The following GLIS3 variants were observed in gnomAD, a reference collection of about 807,000 sequenced individuals.
GLIS3 encodes GLIS family zinc finger 3, also known as zinc finger protein GLIS3.
In GLIS3, 53 loss-of-function variants were observed where a neutral mutation model predicts 78.6. The ratio of observed to expected loss-of-function variants is 0.67; its 90% CI spans 0.54 to 0.85. GLIS3 has a LOEUF of 0.85. GLIS3 is among the 40% of genes least tolerant of loss of function. GLIS3 has a pLI of 0.00. For synonymous variants in GLIS3, 684 were observed against 509.9 expected, an observed-to-expected ratio of 1.34 and a Z score of -4.60; for missense variants, 1,703 against 1,231.1, an observed-to-expected ratio of 1.38 and a Z score of -5.74.
At chr9:4,462,743 G>A in the GLIS3 span, among the ~76,000 whole-genome samples, 1 of 152,130 alleles carries the variant, frequency 6.6e-6, no homozygotes, top group Admixed American at 6.6e-5. Context: ...CCAGAAGTTT[G>A]AGGCTGCAGT....
At chr9:4,134,612 A>G (rs1381813855) in intron 2 of GLIS3, among the ~76,000 whole-genome samples, 1 of 152,286 alleles carries the variant, frequency 6.6e-6, no homozygotes, top group East Asian at 1.9e-4. Context: ...AGTAGTTGTA[A>G]TTTTTGTTAA....
intron 4 of GLIS3, among the ~76,000 whole-genome samples, chr9:4,087,459 A>G (rs1193919120): frequency 6.6e-6 from 1 of 152,196 alleles, no homozygotes; most frequent in Admixed American, 6.5e-5. Context: ...ACAGGAAAAC[A>G]ATCGGCAATT....
chr9:4,269,615 T>C (rs953215983), intron 2 of GLIS3, among the ~76,000 whole-genome samples: 2 of 152,230 alleles, frequency 1.3e-5, no homozygotes, highest in South Asian at 2.1e-4. Flanking sequence ...TGTTCCAGTG[T>C]AGTTGGGCTG....
chr9:3,948,477 T>G (rs1816446643), intron 4 of GLIS3, among the ~76,000 whole-genome samples: 1 of 152,302 alleles, frequency 6.6e-6, no homozygotes. Flanking sequence ...GCCTGCAGTG[T>G]ACTTTGATCC....
intron 2 of GLIS3, among the ~76,000 whole-genome samples, chr9:4,160,629 G>C (rs958343671): frequency 6.6e-6 from 1 of 152,180 alleles, no homozygotes; most frequent in African/African-American, 2.4e-5. Flanking sequence ...GTCTTATCAT[G>C]TGATTTTCTT....
chr9:4,040,442 G>A (rs774811620), intron 4 of GLIS3, among the ~76,000 whole-genome samples: 6 of 152,102 alleles, frequency 3.9e-5, no homozygotes, highest in African/African-American at 7.2e-5. Flanking sequence ...CTATTACAGC[G>A]TGCTACATTT....
chr9:4,019,710 C>T (rs757005053), intron 4 of GLIS3, among the ~76,000 whole-genome samples: 16 of 151,970 alleles, frequency 1.1e-4, no homozygotes, highest in Non-Finnish European at 2.1e-4. Flanking sequence ...TGGGAAGATG[C>T]CAGCTGCAAT....
chr9:4,194,044 T>TTTTATTTA (rs560947840), intron 2 of GLIS3, among the ~76,000 whole-genome samples: 2 of 152,156 alleles, frequency 1.3e-5, no homozygotes, highest in African/African-American at 4.8e-5. Flanking sequence ...GCCGCTTTAT[T>TTTTATTTA]TTTATTTATT....
At chr9:4,380,510 A>G in the GLIS3 span, among the ~76,000 whole-genome samples, 4 of 152,242 alleles carry the variant, frequency 2.6e-5, no homozygotes, top group African/African-American at 4.8e-5. Context: ...AAAGATTTCT[A>G]TCAGTACATC....
rs1237753365 is a variant in GLIS3, at chr9:4,189,840, A to C, written c.389-63899T>G. On this transcript the variant is annotated intron_variant, in intron 2 of 10. Coordinates refer to ENST00000381971, the MANE Select transcript of GLIS3 (RefSeq NM_001042413.2). ...ACCCCTGCCTTTTTTTTTGTTTTCC[A>C]TTTGCTTGGTAGATCTTCCTTCATC... 2.0e-5 allele frequency among the ~76,000 whole-genome samples: 3 copies of C among 150,664 alleles called. No homozygotes were observed. In the East Asian group the frequency reaches 5.8e-4, roughly 29 times the overall value.
chr9:4,243,762 A>C (rs961056760), intron 2 of GLIS3, among the ~76,000 whole-genome samples: 2 of 152,188 alleles, frequency 1.3e-5, no homozygotes, highest in African/African-American at 4.8e-5. Flanking sequence ...GATTAGGTGT[A>C]ATCCACGTTG....
chr9:4,455,170 G>A, the GLIS3 span, among the ~76,000 whole-genome samples: 1 of 152,140 alleles, frequency 6.6e-6, no homozygotes, highest in Non-Finnish European at 1.5e-5. Context: ...GTGGCATATT[G>A]TAAAGTTACT....
intron 4 of GLIS3, among the ~76,000 whole-genome samples, chr9:3,955,000 A>G (rs1356095505): frequency 2.0e-5 from 3 of 152,236 alleles, no homozygotes; most frequent in African/African-American, 7.2e-5. Context: ...AAAGCTCAAA[A>G]GGCCCCACCT....
At chr9:4,173,182 A>G (rs1816519475) in intron 2 of GLIS3, among the ~76,000 whole-genome samples, 1 of 152,132 alleles carries the variant, frequency 6.6e-6, no homozygotes, top group African/African-American at 2.4e-5. Context: ...TGTCATACTA[A>G]TATCACCAAA....
intron 3 of GLIS3, chr9:4,309,051 G>A (rs1817297479): frequency 6.6e-6 from 1 of 152,190 alleles, no homozygotes. Flanking sequence ...TAAGTGCTTA[G>A]AACAGTGGCT....
At chr9:4,271,994 AT>A (rs932386134) in intron 2 of GLIS3, among the ~76,000 whole-genome samples, 3 of 152,202 alleles carry the variant, frequency 2.0e-5, no homozygotes, top group Non-Finnish European at 4.4e-5. Context: ...ATTTGTGAGA[AT>A]TAAAGAGAAA....
At chr9:4,401,613 G>A in the GLIS3 span, among the ~76,000 whole-genome samples, 1 of 150,028 alleles carries the variant, frequency 6.7e-6, no homozygotes, top group African/African-American at 2.5e-5. Context: ...TGTCGCCCAG[G>A]CTGGAGTGCA....
chr9:4,428,935 G>C, the GLIS3 span, among the ~76,000 whole-genome samples: 1 of 152,012 alleles, frequency 6.6e-6, no homozygotes, highest in African/African-American at 2.4e-5. Flanking sequence ...CATCACTAAG[G>C]CTAATTAATT....
the GLIS3 span, among the ~76,000 whole-genome samples, chr9:4,407,604 G>T: frequency 6.6e-6 from 1 of 152,108 alleles, no homozygotes; most frequent in Non-Finnish European, 1.5e-5. Flanking sequence ...CCGAGATCTC[G>T]CCACCGCACT....
Sources: gnomAD v4.1 joint callset for allele counts (sites outside exome capture counted in the v4.1 genomes callset) on GRCh38, gnomAD v4.1.1 for gene constraint, MANE v1.5 for transcripts, NCBI Gene and HGNC (gene_info 2026-07-23, HGNC 2026-07-21) for gene names.